The following IQSEC3 variants were observed in gnomAD, a reference collection of about 807,000 sequenced individuals.
IQSEC3 encodes the protein IQ motif and Sec7 domain ArfGEF 3, also known as IQ motif and SEC7 domain-containing protein 3.
IQSEC3 carries 50 observed loss-of-function variants against 105.4 expected under a neutral mutation model. The ratio of observed to expected loss-of-function variants is 0.47; its 90% confidence interval spans 0.38 to 0.60. The LOEUF (loss-of-function observed/expected upper bound fraction) is 0.60, where lower values mean the gene tolerates loss of function less well. Among genes scored for constraint, IQSEC3 ranks in the 20% least tolerant of loss-of-function variants. The pLI, the probability that IQSEC3 is intolerant of heterozygous loss-of-function variation, is 0.00. For missense variants in IQSEC3, 1,415 were observed against 1,630.0 expected, an observed-to-expected ratio of 0.87 and a Z score of 2.27; for synonymous variants, 708 against 746.0, an observed-to-expected ratio of 0.95 and a Z score of 0.83.
intron 5 of IQSEC3, among the ~76,000 whole-genome samples, chr12:154,283 C>G (rs1188370065): frequency 7.4e-6 from 1 of 135,914 alleles, no homozygotes; most frequent in African/African-American, 2.6e-5. Context: ...TCGTGCTTGG[C>G]TGGGCAGATG....
chr12:91,510 C>G (rs1419795949), intron 1 of IQSEC3, among the ~76,000 whole-genome samples: 2 of 152,174 alleles, frequency 1.3e-5, no homozygotes, highest in African/African-American at 4.8e-5. Context: ...CGCGGTTGTT[C>G]ATGCCTGTAA....
chr12:108,839 C>G (rs1864772705), intron 2 of IQSEC3, among the ~76,000 whole-genome samples: 1 of 152,272 alleles, frequency 6.6e-6, no homozygotes, highest in South Asian at 2.1e-4. Flanking sequence ...GCATCCCTGG[C>G]TCCTTCTTTG....
intron 1 of IQSEC3, among the ~76,000 whole-genome samples, chr12:73,225 G>A (rs541200195): frequency 4.3e-4 from 65 of 152,232 alleles, no homozygotes; most frequent in Middle Eastern, 3.4e-3. Flanking sequence ...GGGCAAGCAC[G>A]CCTGGGGAGA....
chr12:97,921 G>A (rs1864290650), intron 1 of IQSEC3, among the ~76,000 whole-genome samples: 4 of 152,216 alleles, frequency 2.6e-5, no homozygotes, highest in Admixed American at 2.6e-4. Context: ...CTGGGAGGTG[G>A]CTACCAAATT....
chr12:150,931 G>C (rs540654253), intron 5 of IQSEC3, among the ~76,000 whole-genome samples: 95 of 152,208 alleles, frequency 6.2e-4, no homozygotes, highest in Non-Finnish European at 1.2e-3. Context: ...AACTTCGTGT[G>C]CCCCAAGATG....
At chr12:99,240 TC>T (rs1157665419) in intron 2 of IQSEC3, 26 bp downstream of exon 2, 1 of 1,590,914 alleles carries the variant, frequency 6.3e-7, no homozygotes, top group Non-Finnish European at 8.5e-7. Flanking sequence ...CTTCCTCCCT[TC>T]CGCATCCCCA....
At chr12:74,498 G>A (rs1270464707) in intron 1 of IQSEC3, among the ~76,000 whole-genome samples, 1 of 152,278 alleles carries the variant, frequency 6.6e-6, no homozygotes, top group Non-Finnish European at 1.5e-5. Context: ...AGACTGTTTT[G>A]CTGTTGCTCT....
At chr12:163,084 A>C (rs1448025167) in intron 8 of IQSEC3, among the ~76,000 whole-genome samples, 2 of 151,948 alleles carry the variant, frequency 1.3e-5, no homozygotes. Context: ...AAAGAGCCTC[A>C]GACGAGGAGA....
intron 5 of IQSEC3, among the ~76,000 whole-genome samples, chr12:156,104 C>T (rs1259372349): frequency 2.0e-5 from 3 of 152,280 alleles, no homozygotes; most frequent in East Asian, 1.9e-4. Context: ...TCCCCTGGAT[C>T]GGGCTAGACC....
At chr12:173,565 T>G (rs1431755054) in intron 13 of IQSEC3, among the ~76,000 whole-genome samples, 3 of 152,120 alleles carry the variant, frequency 2.0e-5, no homozygotes, top group South Asian at 2.1e-4. Flanking sequence ...CCCTCTGTGC[T>G]CTGAGCACTG....
chr12:138,561 G>C lies in IQSEC3; in HGVS notation c.1198G>C (p.Asp400His). ...CGCAGGCACCCTCACCGAGCTGGAG[G>C]ACTCCTTCACCGAGCAGGTGCAATC... ...TFAGTLTELE[D>H]SFTEQVQSLA... The change falls in exon 4 of 14, where the codon GAC becomes CAC. Residue 400 changes from aspartate (D) to histidine (H), a missense_variant. This residue lies in a region of IQSEC3 where 720 missense variants were observed against 633.0 expected (regional missense o/e 1.14). Transcript: ENST00000538872. This position sits in a 1 kb window ranked among gnomAD's most constrained non-coding sequence, Gnocchi z 7.1. 5 of 1,584,184 alleles carry C rather than the reference G, an allele frequency of 3.2e-6. No individual in the cohort carries two copies. The highest frequency in any genetic ancestry group is 4.3e-6 in the Non-Finnish European group (5 of 1,172,492).
At chr12:96,490 A>C (rs1332451952) in intron 1 of IQSEC3, among the ~76,000 whole-genome samples, 1 of 152,258 alleles carries the variant, frequency 6.6e-6, no homozygotes. Flanking sequence ...CACAAGAGAC[A>C]GCTTTCCAGG....
intron 1 of IQSEC3, among the ~76,000 whole-genome samples, chr12:86,869 G>A (rs1221672846): frequency 6.6e-6 from 1 of 151,986 alleles, no homozygotes; most frequent in Non-Finnish European, 1.5e-5. Context: ...TTTTGGAAGG[G>A]CAAGGATGCT....
chr12:95,902 A>G (rs1243791037), intron 1 of IQSEC3, among the ~76,000 whole-genome samples: 1 of 152,146 alleles, frequency 6.6e-6, no homozygotes, highest in Admixed American at 6.5e-5. Flanking sequence ...GGCTGTTTGC[A>G]TTTCCCCCCT....
intron 2 of IQSEC3, among the ~76,000 whole-genome samples, chr12:115,995 T>C (rs1335634126): frequency 6.6e-6 from 1 of 152,246 alleles, no homozygotes; most frequent in Admixed American, 6.5e-5. Flanking sequence ...ATATTCTTCC[T>C]ACTTTTCATT....
At chr12:171,350 A>T in intron 13 of IQSEC3, 189 bp downstream of exon 13, 1 of 1,600,174 alleles carries the variant, frequency 6.2e-7, no homozygotes, top group Non-Finnish European at 8.6e-7. Flanking sequence ...TCCAGCGCCT[A>T]ATTAAGCCAC....
At chr12:76,632 C>G (rs1193453937) in intron 1 of IQSEC3, among the ~76,000 whole-genome samples, 1 of 152,238 alleles carries the variant, frequency 6.6e-6, no homozygotes, top group Non-Finnish European at 1.5e-5. Flanking sequence ...GCAAATCTAC[C>G]ACGCCTCCAT....
intron 5 of IQSEC3, among the ~76,000 whole-genome samples, chr12:154,164 C>T (rs1866603578): frequency 6.6e-6 from 1 of 152,240 alleles, no homozygotes; most frequent in Non-Finnish European, 1.5e-5. Context: ...CTTCCCCCAT[C>T]CCGGTCCTTG....
At chr12:120,332 G>T (rs1041769003) in intron 2 of IQSEC3, among the ~76,000 whole-genome samples, 5 of 152,182 alleles carry the variant, frequency 3.3e-5, no homozygotes, top group Admixed American at 6.5e-5. Flanking sequence ...GCCTGAGAGG[G>T]TTCGGCAGAT....
Sources: allele counts gnomAD v4.1 joint callset (sites outside exome capture counted in the v4.1 genomes callset), GRCh38; gene constraint gnomAD v4.1.1; regional missense constraint gnomAD v4.1.1; non-coding constraint Gnocchi (gnomAD v3.1); transcripts MANE v1.5; gene names NCBI Gene and HGNC (gene_info 2026-07-23, HGNC 2026-07-21).